The following SPEF2 variants were observed in gnomAD, a reference collection of about 807,000 sequenced individuals.
SPEF2 encodes the protein sperm flagellar and cilia associated 2, also known as sperm flagella and cilia-associated protein 2.
A neutral mutation model predicts 224.6 loss-of-function variants in SPEF2; 187 were observed. The ratio of observed to expected loss-of-function variants is 0.83; its 90% CI spans 0.74 to 0.94. The LOEUF is 0.94. SPEF2 is among the 40% of genes least tolerant of loss of function. The pLI is 0.00. For missense variants in SPEF2, 2,170 were observed against 2,135.6 expected (o/e 1.02, Z -0.32); for synonymous variants, 715 against 707.3 (o/e 1.01, Z -0.17).
chr5:35,795,686 T>G lies in SPEF2; in HGVS notation c.4738-17T>G. 6.2e-7 allele frequency: 1 copy of G among 1,604,272 alleles called. No homozygotes were observed. Among genetic ancestry groups the G allele is most frequent in the African/African-American group, 1.3e-5 (1 of 74,284 alleles). Reference sequence around the variant, plus strand: ...AAATACATACTTTAACAATTTTCATTTTTATTTTTTATGTAGGCTGGTCTG... The same window carrying G: ...AAATACATACTTTAACAATTTTCATGTTTATTTTTTATGTAGGCTGGTCTG... On this transcript the variant is annotated splice_polypyrimidine_tract_variant and intron_variant, in intron 32 of 36. Transcript: ENST00000356031.
At chr5:35,624,869 T>G (rs1744019623) in intron 1 of SPEF2, among the ~76,000 whole-genome samples, 1 of 152,184 alleles carries the variant, frequency 6.6e-6, no homozygotes, top group Non-Finnish European at 1.5e-5. Flanking sequence ...ACTCCTGACC[T>G]CGTGATCTGC....
At chr5:35,751,050 T>C (rs1355104774) in intron 23 of SPEF2, among the ~76,000 whole-genome samples, 72 of 55,976 alleles carry the variant, frequency 1.3e-3, no homozygotes, top group African/African-American at 1.9e-3. Context: ...TATGTATATA[T>C]ATATACGTAT....
At chr5:35,726,729 A>C (rs1744709162) in intron 20 of SPEF2, among the ~76,000 whole-genome samples, 1 of 152,222 alleles carries the variant, frequency 6.6e-6, no homozygotes, top group African/African-American at 2.4e-5. Context: ...TGTAAACTGC[A>C]TCTAAAAATT....
At chr5:35,717,840 CATCT>C (rs1463717075) in intron 20 of SPEF2, among the ~76,000 whole-genome samples, 3 of 152,306 alleles carry the variant, frequency 2.0e-5, no homozygotes, top group African/African-American at 7.2e-5. Context: ...TAAAGAAGTA[CATCT>C]ATCTAACTGT....
At chr5:35,739,831 C>A in intron 21 of SPEF2, 88 bp from the exon 22 acceptor site, 1 of 1,504,784 alleles carries the variant, frequency 6.6e-7, no homozygotes, top group Non-Finnish European at 9.0e-7. Context: ...GCATCTTGAC[C>A]TTTTTGCTTG....
intron 30 of SPEF2, chr5:35,789,464 A>T: frequency 3.0e-6 from 2 of 668,916 alleles, no homozygotes. Context: ...TTAATTTGTT[A>T]GTTGTTATTT....
At chr5:35,803,445 C>G (rs1336374587) in intron 34 of SPEF2, among the ~76,000 whole-genome samples, 2 of 152,210 alleles carry the variant, frequency 1.3e-5, no homozygotes, top group African/African-American at 4.8e-5. Flanking sequence ...AATCCAAGGA[C>G]ACTGTGGAGG....
chr5:35,694,400 A>C, intron 13 of SPEF2, 37 bp downstream of exon 13: 1 of 1,543,618 alleles, frequency 6.5e-7, no homozygotes, highest in Non-Finnish European at 8.9e-7. Context: ...TATTTACATT[A>C]GAGAGAGAAA....
intron 10 of SPEF2, chr5:35,671,169 T>G: frequency 1.0e-6 from 1 of 985,352 alleles, no homozygotes; most frequent in Non-Finnish European, 1.2e-6. Flanking sequence ...GACCTAATTA[T>G]TCACTGATAG....
In SPEF2 at chr5:35,705,825, A is replaced by G; in HGVS notation, c.2665+17A>G. The G allele has an allele frequency of 7.0e-7, 1 of 1,426,200 alleles. No homozygotes were observed. The highest frequency in any genetic ancestry group is 9.5e-7 in the Non-Finnish European group (1 of 1,053,752). 88.3% of individuals were successfully genotyped at this position (1,426,200 alleles called of 1,614,324 possible). A position where few individuals can be genotyped will look rare whatever the true frequency, so the allele number is the denominator to read the frequency against. ...AGAATAAAGGTATTTACATTTGTTT[A>G]TAGTTTTGAGTTTAGGCAACTAAAA... is the stretch of plus-strand genomic sequence containing the variant. On this transcript the variant is annotated intron_variant, in intron 18 of 36. Coordinates refer to ENST00000356031, the MANE Select transcript of SPEF2 (RefSeq NM_024867.4).
chr5:35,700,292 G>A (rs1421207925), intron 15 of SPEF2: 2 of 594,560 alleles, frequency 3.4e-6, no homozygotes, highest in African/African-American at 1.9e-5. Context: ...AGATTTGGAG[G>A]GCAGCACAGT....
intron 3 of SPEF2, among the ~76,000 whole-genome samples, chr5:35,642,694 C>A (rs1375545939): frequency 6.6e-6 from 1 of 152,078 alleles, no homozygotes; most frequent in Non-Finnish European, 1.5e-5. Context: ...CTTTTACAGG[C>A]CTCTGGAATA....
chr5:35,637,878 T>C (rs1428015644), intron 2 of SPEF2, among the ~76,000 whole-genome samples: 1 of 152,180 alleles, frequency 6.6e-6, no homozygotes, highest in Non-Finnish European at 1.5e-5. Context: ...GTCCATGCCC[T>C]CATTTTCTTT....
chr5:35,777,004 C>A (rs1349181435), intron 29 of SPEF2, among the ~76,000 whole-genome samples: 3 of 152,146 alleles, frequency 2.0e-5, no homozygotes, highest in Non-Finnish European at 4.4e-5. Flanking sequence ...ATCTTGTCCA[C>A]AAATTAGTAG....
intron 20 of SPEF2, among the ~76,000 whole-genome samples, chr5:35,721,764 G>T (rs979050890): frequency 1.3e-5 from 2 of 152,138 alleles, no homozygotes; most frequent in Non-Finnish European, 2.9e-5. Context: ...AGAAAATCCA[G>T]TTGCTGGGTG....
chr5:35,747,125 A>C (rs1056618026), intron 23 of SPEF2, among the ~76,000 whole-genome samples: 1 of 152,236 alleles, frequency 6.6e-6, no homozygotes, highest in Non-Finnish European at 1.5e-5. Flanking sequence ...AAATGCTGAG[A>C]GAATTTGCCA....
intron 30 of SPEF2, among the ~76,000 whole-genome samples, chr5:35,784,427 C>A (rs762938469): frequency 2.6e-5 from 4 of 152,070 alleles, no homozygotes; most frequent in South Asian, 2.1e-4. Context: ...CGCGCCCGGG[C>A]GAGATGGATG....
intron 7 of SPEF2, among the ~76,000 whole-genome samples, chr5:35,658,283 A>G (rs1236467052): frequency 2.6e-5 from 4 of 152,014 alleles, no homozygotes; most frequent in Non-Finnish European, 4.4e-5. Context: ...TCACCTTTCT[A>G]TTCTCCTCAA....
In SPEF2 at chr5:35,773,931, G is replaced by A. The variant is rs551666077; in HGVS notation, c.3988G>A (p.Val1330Ile). ...PPMAEATPVI[V>I]TTEEIAEIKR... ...TATGGCAGAAGCAACTCCTGTCATA[G>A]TAACAACAGAGGAAATTGCTGAAAT... Residue 1330 changes from valine to isoleucine, a missense_variant, in exon 28 of 37, where the codon GTA becomes ATA. By Grantham distance (29) the Val-to-Ile change is conservative (BLOSUM62 3). Transcript: ENST00000356031. 2 of 1,613,244 alleles carry A rather than the reference G, an allele frequency of 1.2e-6. No homozygotes were observed. Among genetic ancestry groups the A allele is most frequent in the East Asian group, 2.2e-5 (1 of 44,854 alleles).
Sources: gnomAD v4.1 joint callset for allele counts (sites outside exome capture counted in the v4.1 genomes callset) on GRCh38, gnomAD v4.1.1 for gene constraint, MANE v1.5 for transcripts, NCBI Gene and HGNC (gene_info 2026-07-23, HGNC 2026-07-21) for gene names.